Variants in DDIAS observed in about 807,000 individuals in gnomAD.
DDIAS encodes the protein DNA damage induced apoptosis suppressor.
Under a neutral mutation model 15.7 loss-of-function variants are expected in DDIAS, and 14 were observed. The ratio of observed to expected loss-of-function variants is 0.89; its 90% confidence interval spans 0.59 to 1.39. The LOEUF (loss-of-function observed/expected upper bound fraction) is 1.39. Among genes scored for constraint, DDIAS ranks in the 40% most tolerant of loss-of-function variants. The pLI is 0.00. For synonymous variants in DDIAS, 355 were observed against 395.9 expected (o/e 0.90, Z 1.23); for missense variants, 1,035 against 1,130.9 (o/e 0.92, Z 1.22).
At chr11:82,922,340 C>T (rs1860771794) in intron 3 of DDIAS, among the ~76,000 whole-genome samples, 1 of 152,198 alleles carries the variant, frequency 6.6e-6, no homozygotes, top group Admixed American at 6.5e-5. Flanking sequence ...TCCTCAGGAA[C>T]ACCGATTATT....
In DDIAS at chr11:82,934,204, G is replaced by A. The variant is rs141656476; in HGVS notation, c.2866G>A (p.Ala956Thr). Residue 956 changes from alanine (A) to threonine (T), a missense_variant, in exon 6 of 6, where the codon GCA (alanine) becomes ACA (threonine). Transcript: ENST00000533655. Reference protein sequence around the residue: ...SKCPDIQVLAAPQLHPILGPD... With the variant: ...SKCPDIQVLATPQLHPILGPD... Reference sequence around the variant, plus strand: ...ATGTCCAGACATTCAAGTCTTAGCAGCACCTCAGCTGCACCCTATTCTTGG... The same window carrying A: ...ATGTCCAGACATTCAAGTCTTAGCAACACCTCAGCTGCACCCTATTCTTGG... 1.3e-3 allele frequency: 2,120 copies of A among 1,614,150 alleles called. 1 individual carries two copies. Among genetic ancestry groups the A allele is most frequent in the Non-Finnish European group, 1.7e-3 (2,023 of 1,180,030 alleles).
rs1216416261 is a variant in DDIAS at position 82,933,244 on chromosome 11, G to A, written c.1906G>A (p.Glu636Lys). ...TTGCAGGAAACTTACATATCCTTTA[G>A]AAACTCTTTGCAATAGTCCAAATAG... ...TICRKLTYPL[E>K]TLCNSPNRST... is the part of the protein sequence containing the mutation. The change falls in exon 6 of 6, where the codon GAA (glutamate) becomes AAA (lysine). Residue 636 changes from glutamate (E) to lysine (K), a missense_variant. Coordinates refer to ENST00000533655, the MANE Select transcript of DDIAS (RefSeq NM_145018.4). The A allele has an allele frequency of 6.2e-7, 1 of 1,612,106 alleles. No homozygotes were observed.
At position 82,934,301 on chromosome 11, in the gene DDIAS, C is replaced by A. The variant is rs770815166; in HGVS notation, c.2963C>A (p.Thr988Asn). The A allele has an allele frequency of 5.6e-6, 9 of 1,600,938 alleles. No individual in the cohort carries two copies. Among genetic ancestry groups the A allele is most frequent in the Non-Finnish European group, 7.7e-6 (9 of 1,175,950 alleles). ...SEKGPPSVCE[T>N]RSAWSPELFS The stretch of plus-strand genomic sequence containing the variant: ...AAAGGCCCACCTTCAGTGTGTGAAA[C>A]TCGAAGTGCTTGGTCACCTGAATTG... Residue 988 changes from threonine (T) to asparagine (N), a missense_variant, in exon 6 of 6, where the codon ACT becomes AAT. Coordinates refer to ENST00000533655, the MANE Select transcript of DDIAS (RefSeq NM_145018.4).
rs1476429168 is a variant in DDIAS at position 82,928,785 on chromosome 11, G to A, written c.122G>A (p.Cys41Tyr). 3.1e-6 allele frequency: 5 copies of A among 1,612,678 alleles called. No individual in the cohort carries two copies. The highest frequency in any genetic ancestry group is 4.2e-6 in the Non-Finnish European group (5 of 1,179,636). ...RIILVSKRSN[C>Y]PKCGSTGESG... ...TTCCACCACTTTTCTAGGTCTAATT[G>A]TCCAAAATGTGGCTCTACTGGTGAA... The change falls in exon 4 of 6, where the codon TGT becomes TAT. Residue 41 changes from cysteine (C) to tyrosine (Y), a missense_variant. Transcript: ENST00000533655.
chr11:82,932,712 C>T lies in DDIAS; in HGVS notation c.1374C>T (p.His458=). 1 of 1,614,102 alleles carries T rather than the reference C, an allele frequency of 6.2e-7. No individual in the cohort carries two copies. The highest frequency in any genetic ancestry group is 1.1e-5 in the South Asian group (1 of 91,090). Residue 458 remains histidine, a synonymous_variant, in exon 6 of 6, where the codon CAC becomes CAT. Transcript: ENST00000533655. ...ACATTGATAAATTTCATGCAGACCA[C>T]AGCAGGTTATCTGTGACTCCCCAGA... is the stretch of plus-strand genomic sequence containing the variant. ...DNDIDKFHAD[H]SRLSVTPQRT... is the part of the protein sequence containing the mutation.
Position 82,921,758 on chromosome 11 carries a change from T to C in DDIAS, c.113+6907T>C, listed in dbSNP as rs373214260. On this transcript the variant is annotated intron_variant, in intron 3 of 5. Coordinates refer to ENST00000533655, the MANE Select transcript of DDIAS (RefSeq NM_145018.4). The stretch of plus-strand genomic sequence containing the variant: ...CACGTCCAGCTAATTTTTGTATTTT[T>C]AGTAGAGACAGGGTTTCACCATGTT... 1.3e-4 allele frequency among the ~76,000 whole-genome samples: 19 copies of C among 151,976 alleles called. No individual in the cohort carries two copies. In the East Asian group the frequency reaches 3.5e-3, roughly 28 times the overall value.
rs74617375 is a variant in DDIAS, at chr11:82,905,815, C to T, written c.-117+3993C>T. On this transcript the variant is annotated intron_variant, in intron 1 of 5. Coordinates refer to ENST00000533655, the MANE Select transcript of DDIAS (RefSeq NM_145018.4). ...TAACTGATGAATAAATAAATATGTT[C>T]GCATATTAAATTGGGATATGGTTTG... Among the ~76,000 whole-genome samples the T allele has an allele frequency of 6.4e-3, 981 of 152,120 alleles. 12 individuals carry two copies. The highest frequency in any genetic ancestry group is 0.023 in the African/African-American group (937 of 41,500).
intron 3 of DDIAS, among the ~76,000 whole-genome samples, chr11:82,926,742 T>C (rs1381372316): frequency 6.6e-6 from 1 of 152,220 alleles, no homozygotes; most frequent in Non-Finnish European, 1.5e-5. Context: ...TACATATTAA[T>C]GTTTGAGAAG....
At chr11:82,910,598 C>G (rs1413599451) in intron 1 of DDIAS, among the ~76,000 whole-genome samples, 1 of 123,354 alleles carries the variant, frequency 8.1e-6, no homozygotes, top group Non-Finnish European at 1.6e-5. Context: ...TTTTTTCTCT[C>G]TCTCTCTCTT....
intron 3 of DDIAS, among the ~76,000 whole-genome samples, chr11:82,916,800 A>G (rs1590803610): frequency 6.6e-6 from 1 of 152,224 alleles, no homozygotes; most frequent in Non-Finnish European, 1.5e-5. Context: ...AAAGGAGACA[A>G]CTGAAGCTTG....
At position 82,933,014 on chromosome 11, in the gene DDIAS, T is replaced by C. The variant is rs762598549; in HGVS notation, c.1676T>C (p.Ile559Thr). 8.1e-6 allele frequency: 13 copies of C among 1,609,050 alleles called. No homozygotes were observed. The highest frequency in any genetic ancestry group is 3.3e-5 in the South Asian group (3 of 91,014). The change falls in exon 6 of 6, where the codon ATC (isoleucine) becomes ACC (threonine). Residue 559 changes from isoleucine to threonine, a missense_variant. By Grantham distance (89) the Ile-to-Thr change is moderately conservative. Coordinates refer to ENST00000533655, the MANE Select transcript of DDIAS (RefSeq NM_145018.4). Reference protein sequence around the residue: ...LETIVTLKKTIRISPHRESDH... With the variant: ...LETIVTLKKTTRISPHRESDH... The stretch of plus-strand genomic sequence containing the variant: ...ACAATAGTTACTCTTAAGAAGACTA[T>C]CAGAATCTCACCACACAGGGAGAGT...
rs1478910566 is a variant in DDIAS at position 82,933,193 on chromosome 11, A to G, written c.1855A>G (p.Lys619Glu). 2.5e-6 allele frequency: 4 copies of G among 1,612,498 alleles called. No homozygotes were observed. The South Asian group carries it at 4.4e-5, about 18-fold the overall frequency. The part of the protein sequence containing the change: ...LENKQYCRWS[K>E]NQDDSFTICR... ...AAATAAACAATATTGTAGGTGGTCC[A>G]AGAACCAAGATGACAGTTTTACAAT... Residue 619 changes from lysine to glutamate, a missense_variant, in exon 6 of 6, where the codon AAG becomes GAG. Transcript: ENST00000533655.
chr11:82,915,417 C>A (rs1156389472), intron 3 of DDIAS, among the ~76,000 whole-genome samples: 1 of 152,178 alleles, frequency 6.6e-6, no homozygotes, highest in Non-Finnish European at 1.5e-5. Context: ...CACTGTCTCT[C>A]TGCATCGAAG....
At chr11:82,923,988 C>T (rs1021579752) in intron 3 of DDIAS, among the ~76,000 whole-genome samples, 6 of 152,164 alleles carry the variant, frequency 3.9e-5, no homozygotes, top group African/African-American at 1.4e-4. Flanking sequence ...TAATGGGACC[C>T]ATAATTCCTT....
intron 3 of DDIAS, among the ~76,000 whole-genome samples, chr11:82,927,085 C>T (rs1316836848): frequency 1.3e-5 from 2 of 152,078 alleles, no homozygotes; most frequent in Non-Finnish European, 2.9e-5. Flanking sequence ...AAACTAATTT[C>T]CCCATTTGTA....
rs775172518 is a variant in DDIAS, at chr11:82,914,841, G to A, written c.103G>A (p.Val35Ile). 6 of 1,572,484 alleles carry A rather than the reference G, an allele frequency of 3.8e-6. No individual in the cohort carries two copies. The highest frequency in any genetic ancestry group is 2.7e-5 in the African/African-American group (2 of 73,650). Residue 35 changes from valine to isoleucine, a missense_variant, in exon 3 of 6, where the codon GTC (valine) becomes ATC (isoleucine). Transcript: ENST00000533655. ...GAAGTGCTTCTCTAGGATAATCCTG[G>A]TCTCCAAAAGGTAAAAGTAAAGTCT... Reference protein sequence around the residue: ...CQKCFSRIILVSKRSNCPKCG... With the variant: ...CQKCFSRIILISKRSNCPKCG...
intron 3 of DDIAS, among the ~76,000 whole-genome samples, chr11:82,926,109 A>G (rs1338879651): frequency 2.0e-5 from 1 of 49,422 alleles, no homozygotes; most frequent in Admixed American, 2.3e-4. Flanking sequence ...TTTTTTTGAG[A>G]CAGGGTCTGG....
In DDIAS at chr11:82,924,980, C is replaced by G. The variant is rs149431981; in HGVS notation, c.114-3797C>G. Among the ~76,000 whole-genome samples the G allele has an allele frequency of 3.3e-3, 504 of 152,156 alleles. 3 individuals carry two copies. The highest frequency in any genetic ancestry group is 0.022 in the South Asian group (106 of 4,812). On this transcript the variant is annotated intron_variant, in intron 3 of 5. Transcript: ENST00000533655. ...TTCATAATTCTAAGGCATTATTTGC[C>G]TTTTCACTTTCAGTCTCTCATGAGT...
At position 82,932,555 on chromosome 11, in the gene DDIAS, A is replaced by G; in HGVS notation, c.1217A>G (p.Gln406Arg). ...LRLEETASSS[Q>R]DGDPQIWDDL... Reference sequence around the variant, plus strand: ...CTTGAAGAGACAGCCAGCAGTTCCCAGGATGGTGACCCTCAAATTTGGGAT... The same window carrying G: ...CTTGAAGAGACAGCCAGCAGTTCCCGGGATGGTGACCCTCAAATTTGGGAT... The change falls in exon 6 of 6, where the codon CAG becomes CGG. Residue 406 changes from glutamine (Q) to arginine (R), a missense_variant. Coordinates refer to ENST00000533655, the MANE Select transcript of DDIAS (RefSeq NM_145018.4). 1.2e-6 allele frequency: 2 copies of G among 1,614,230 alleles called. No individual in the cohort carries two copies. Among genetic ancestry groups the G allele is most frequent in the South Asian group, 1.1e-5 (1 of 91,090 alleles).
Sources: gnomAD v4.1 joint callset for allele counts (sites outside exome capture counted in the v4.1 genomes callset) on GRCh38, gnomAD v4.1.1 for gene constraint, MANE v1.5 for transcripts, NCBI Gene and HGNC (gene_info 2026-07-23, HGNC 2026-07-21) for gene names.